The following NUP210L variants were observed in gnomAD, a reference collection of about 807,000 sequenced individuals.
NUP210L encodes nuclear pore membrane glycoprotein 210-like.
In NUP210L, 74 loss-of-function variants were observed where a neutral mutation model predicts 208.5. That is an observed-to-expected ratio of 0.35 (90% CI 0.29 to 0.43). The LOEUF (loss-of-function observed/expected upper bound fraction) is 0.43. NUP210L is among the 20% of genes least tolerant of loss of function. The probability of loss-of-function intolerance (pLI) is 1.00; values close to 1 mark genes in which losing one functional copy is unlikely to be tolerated. For missense variants in NUP210L, 1,843 were observed against 2,289.4 expected (o/e 0.81, Z 3.98); for synonymous variants, 780 against 816.9 (o/e 0.95, Z 0.77).
At chr1:154,127,414 A>G in exon 9 of NUP210L, 1 of 1,498,794 alleles carries the variant, frequency 6.7e-7, no homozygotes, top group Non-Finnish European at 9.2e-7. Context: ...TTGGACAGTG[A>G]AACCTATACA....
intron 15 of NUP210L, among the ~76,000 whole-genome samples, chr1:154,094,590 C>T (rs1211066181): frequency 2.0e-5 from 3 of 152,172 alleles, no homozygotes; most frequent in Admixed American, 6.6e-5. Context: ...AGTTTCCCTT[C>T]CTTGAATTCT....
chr1:154,061,142 GTA>G, intron 18 of NUP210L, 96 bp from the exon 19 acceptor site: 21 of 792,978 alleles, frequency 2.6e-5, no homozygotes, highest in Non-Finnish European at 3.8e-5. Flanking sequence ...CTTTGGGAGG[GTA>G]AGGCAGGCAG....
chr1:153,995,765 C>A, intron 37 of NUP210L: 1 of 688,370 alleles, frequency 1.5e-6, no homozygotes, highest in Non-Finnish European at 2.7e-6. Context: ...CCAAAATCTG[C>A]ATGTGGCATG....
At chr1:154,145,764 A>G (rs959217951) in intron 2 of NUP210L, among the ~76,000 whole-genome samples, 1 of 152,224 alleles carries the variant, frequency 6.6e-6, no homozygotes, top group African/African-American at 2.4e-5. Flanking sequence ...TTATTTTAAT[A>G]TCTATGCAGA....
intron 10 of NUP210L, among the ~76,000 whole-genome samples, chr1:154,122,905 G>T (rs543201770): frequency 6.6e-6 from 1 of 151,728 alleles, no homozygotes; most frequent in South Asian, 2.1e-4. Flanking sequence ...AAAAAAATTA[G>T]CTGGGAGTGG....
rs60715601 is a variant in NUP210L at position 154,030,312 on chromosome 1, A to C, written c.3697-258T>G. 0.093 allele frequency among the ~76,000 whole-genome samples: 14,116 copies of C among 151,916 alleles called. 846 individuals are homozygous for C. Among genetic ancestry groups the C allele is most frequent in the East Asian group, 0.19 (987 of 5,148 alleles). On this transcript the variant is annotated intron_variant, in intron 27 of 39. Transcript: ENST00000368559. ...AATACCACCTGTACCCCAATAACTT[A>C]TGAAAAAATTAAAATTAAAAATTCA...
At chr1:154,032,452 A>G (rs1190514321) in intron 27 of NUP210L, among the ~76,000 whole-genome samples, 4 of 151,702 alleles carry the variant, frequency 2.6e-5, no homozygotes, top group South Asian at 2.1e-4. Context: ...CTGATGATCA[A>G]TGATGTTGAG....
chr1:154,027,087 AAAAAAAAAAC>A (rs1190842301), intron 29 of NUP210L, among the ~76,000 whole-genome samples: 2 of 145,378 alleles, frequency 1.4e-5, no homozygotes, highest in Admixed American at 6.8e-5. Flanking sequence ...TCTCAAAAAA[AAAAAAAAAAC>A]AAAAAAAAAA....
At chr1:154,089,815 C>G (rs1445290282) in intron 15 of NUP210L, among the ~76,000 whole-genome samples, 1 of 152,036 alleles carries the variant, frequency 6.6e-6, no homozygotes, top group South Asian at 2.1e-4. Flanking sequence ...TTAAAAAAAT[C>G]TAGGTCAGGC....
At chr1:154,078,683 A>G (rs541463378) in intron 16 of NUP210L, among the ~76,000 whole-genome samples, 1 of 152,178 alleles carries the variant, frequency 6.6e-6, no homozygotes, top group Non-Finnish European at 1.5e-5. Context: ...AAAACAGCAC[A>G]AACAAGGGAC....
intron 7 of NUP210L, among the ~76,000 whole-genome samples, chr1:154,130,576 ATTTTTTT>A (rs765115829): frequency 4.0e-5 from 4 of 98,962 alleles, no homozygotes; most frequent in Non-Finnish European, 6.0e-5. Flanking sequence ...CCTGGCCCCA[ATTTTTTT>A]TTTTTTTTTT....
intron 15 of NUP210L, among the ~76,000 whole-genome samples, chr1:154,093,382 T>C (rs933384698): frequency 6.6e-6 from 1 of 151,986 alleles, no homozygotes; most frequent in Non-Finnish European, 1.5e-5. Flanking sequence ...GAGCCAAGAT[T>C]GTGCCATTGC....
chr1:154,010,517 G>A (rs1048452550), intron 34 of NUP210L, among the ~76,000 whole-genome samples: 2 of 152,058 alleles, frequency 1.3e-5, no homozygotes, highest in African/African-American at 4.8e-5. Flanking sequence ...GGGATTACAG[G>A]TGTCTCCCAC....
intron 37 of NUP210L, among the ~76,000 whole-genome samples, chr1:153,997,693 G>GT (rs34933362): frequency 0.38 from 45,228 of 117,664 alleles, 10,016 homozygotes; most frequent in East Asian, 0.73. Context: ...TACTGTATTT[G>GT]TTTTTTTTTT....
intron 10 of NUP210L, among the ~76,000 whole-genome samples, chr1:154,122,757 A>C (rs1379128914): frequency 6.6e-6 from 1 of 151,956 alleles, no homozygotes; most frequent in Non-Finnish European, 1.5e-5. Context: ...CTACTGTAGA[A>C]AACAGTATGG....
chr1:153,995,122 G>T (rs181661812), exon 38 of NUP210L: 16 of 1,613,972 alleles, frequency 9.9e-6, no homozygotes, highest in Non-Finnish European at 1.4e-5. Flanking sequence ...AGAGGGTCAA[G>T]AGCAGGATCT....
chr1:154,047,122 G>A (rs1272922891), intron 25 of NUP210L, among the ~76,000 whole-genome samples: 1 of 152,138 alleles, frequency 6.6e-6, no homozygotes, highest in African/African-American at 2.4e-5. Context: ...GTGGGTAGGG[G>A]GGCTATGGGG....
chr1:154,092,071 ATTTT>A (rs764216863), intron 15 of NUP210L, among the ~76,000 whole-genome samples: 1 of 124,612 alleles, frequency 8.0e-6, no homozygotes, highest in Non-Finnish European at 1.7e-5. Flanking sequence ...ATGGGGAGCC[ATTTT>A]TTTTTTTTTT....
At chr1:154,107,550 G>A (rs997187751) in intron 12 of NUP210L, among the ~76,000 whole-genome samples, 4 of 151,604 alleles carry the variant, frequency 2.6e-5, no homozygotes, top group Non-Finnish European at 4.4e-5. Flanking sequence ...GAATCAGTGA[G>A]CTTGAGGACA....
Sources: allele counts gnomAD v4.1 joint callset (sites outside exome capture counted in the v4.1 genomes callset), GRCh38; gene constraint gnomAD v4.1.1; transcripts MANE v1.5; gene names NCBI Gene and HGNC (gene_info 2026-07-23, HGNC 2026-07-21).